GALNTL6: variants seen among roughly 807,000 people sequenced by gnomAD.
GALNTL6 encodes the protein polypeptide N-acetylgalactosaminyltransferase like 6.
A neutral mutation model predicts 73.7 loss-of-function variants in GALNTL6; 46 were observed. That is an observed-to-expected ratio of 0.62 (90% CI 0.49 to 0.80). GALNTL6 has a LOEUF of 0.80. Among genes scored for constraint, GALNTL6 ranks in the 30% least tolerant of loss-of-function variants. The pLI is 0.00. For missense variants in GALNTL6, 604 were observed against 755.0 expected (o/e 0.80, Z 2.34); for synonymous variants, 259 against 263.7 (o/e 0.98, Z 0.17).
chr4:171,858,692 G>T (rs1403920552), intron 2 of GALNTL6, among the ~76,000 whole-genome samples: 2 of 151,990 alleles, frequency 1.3e-5, no homozygotes, highest in African/African-American at 4.8e-5. Flanking sequence ...AAATACAAAT[G>T]TATCTTCTTT....
chr4:172,420,108 C>T (rs1231650872), intron 5 of GALNTL6, among the ~76,000 whole-genome samples: 1 of 152,118 alleles, frequency 6.6e-6, no homozygotes, highest in African/African-American at 2.4e-5. Flanking sequence ...AAAAGTGAGC[C>T]ATCCATTTTA....
chr4:172,409,864 G>A (rs1561070358), intron 5 of GALNTL6, among the ~76,000 whole-genome samples: 1 of 152,012 alleles, frequency 6.6e-6, no homozygotes, highest in Non-Finnish European at 1.5e-5. Context: ...TGAAAAGAAA[G>A]AAGTTCACAT....
At chr4:172,278,574 G>A (rs543065570) in intron 3 of GALNTL6, among the ~76,000 whole-genome samples, 26 of 152,004 alleles carry the variant, frequency 1.7e-4, no homozygotes, top group Middle Eastern at 6.8e-3. Flanking sequence ...TGGATCCTGT[G>A]TTATCCTTTT....
rs544335797 is a variant in GALNTL6, at chr4:172,628,656, A to G, written c.554-180705A>G. 2.0e-5 allele frequency among the ~76,000 whole-genome samples: 3 copies of G among 152,156 alleles called. No individual in the cohort carries two copies. In the East Asian group the frequency reaches 5.8e-4, roughly 30 times the overall value. ...GGCAAGCAGAGATGGTATATCTCTG[A>G]ATATGCGTATTGTCAGTGTCTCTCT... On this transcript the variant is annotated intron_variant, in intron 5 of 12. Transcript: ENST00000506823.
Position 173,040,098 on chromosome 4 carries a change from T to C in GALNTL6, c.1804T>C (p.Ter602GlnextTer8). ...AAAATTTAACCACCATGCCAACTCC[T>C]AGAAAGAAGAAAGGAAGAAAGAGTG... ...LEKFNHHANS[*>Q] Residue 602 changes from the stop codon to glutamine (Q), a stop_lost, in exon 13 of 13, where the codon TAG becomes CAG. Transcript: ENST00000506823. 6.2e-7 allele frequency: 1 copy of C among 1,607,410 alleles called. No homozygotes were observed. Among genetic ancestry groups the C allele is most frequent in the South Asian group, 1.1e-5 (1 of 90,204 alleles).
In GALNTL6 at chr4:171,813,578, G is replaced by A. The variant is rs1734438770; in HGVS notation, c.-582G>A. 2 of 152,352 alleles carry A rather than the reference G, an allele frequency of 1.3e-5. No individual in the cohort carries two copies. The highest frequency in any genetic ancestry group is 4.8e-5 in the African/African-American group (2 of 41,474). The allele number at this position is 152,352 out of a possible 1,614,324, so 9.4% of individuals were successfully genotyped here. A position where few individuals can be genotyped will look rare whatever the true frequency, so the allele number is the denominator to read the frequency against. On this transcript the variant is annotated 5_prime_UTR_variant, in exon 1 of 13. Coordinates refer to ENST00000506823, the MANE Select transcript of GALNTL6 (RefSeq NM_001034845.3). The surrounding 1 kb of genome is among the most constrained non-coding windows in gnomAD (Gnocchi z 5.2). ...CTCCATCCCCTTTACGAGAAGAGGA[G>A]ATCAAAAAATATTGCCCTTTAGGTG...
chr4:172,799,149 T>TGCAAAGAGCAGACTCACTAG (rs1553990150), intron 5 of GALNTL6, among the ~76,000 whole-genome samples: 1 of 152,154 alleles, frequency 6.6e-6, no homozygotes, highest in Non-Finnish European at 1.5e-5. Flanking sequence ...GAGATCTCAA[T>TGCAAAGAGCAGACTCACTAG]AGTCACTAGA....
At chr4:171,952,003 C>T (rs902129870) in intron 2 of GALNTL6, among the ~76,000 whole-genome samples, 5 of 151,698 alleles carry the variant, frequency 3.3e-5, no homozygotes, top group African/African-American at 4.8e-5. Context: ...AGTATAAAGT[C>T]AGCAATTAAT....
chr4:171,912,669 A>T (rs1658746328), intron 2 of GALNTL6, among the ~76,000 whole-genome samples: 1 of 151,976 alleles, frequency 6.6e-6, no homozygotes, highest in South Asian at 2.1e-4. Context: ...TGGTTCTTTT[A>T]CCTGGTCCCC....
chr4:172,951,984 AC>A, intron 9 of GALNTL6, 52 bp from the exon 10 acceptor site: 4 of 1,435,840 alleles, frequency 2.8e-6, no homozygotes, highest in Non-Finnish European at 3.8e-6. Flanking sequence ...AACAAAAAAC[AC>A]CTTTTGAATG....
At chr4:172,275,039 C>T (rs1432291937) in intron 3 of GALNTL6, among the ~76,000 whole-genome samples, 4 of 152,044 alleles carry the variant, frequency 2.6e-5, no homozygotes, top group East Asian at 1.9e-4. Context: ...GGAAGGTGTG[C>T]GAAAGGTCTG....
intron 5 of GALNTL6, among the ~76,000 whole-genome samples, chr4:172,557,073 A>T (rs1736173889): frequency 6.6e-6 from 1 of 152,146 alleles, no homozygotes; most frequent in Non-Finnish European, 1.5e-5. Flanking sequence ...TTGAAAAAGT[A>T]TTTGAAAGTC....
chr4:171,839,025 C>CA (rs1423497464), intron 2 of GALNTL6, among the ~76,000 whole-genome samples: 2 of 151,912 alleles, frequency 1.3e-5, no homozygotes, highest in East Asian at 3.9e-4. Flanking sequence ...CATGATGTAC[C>CA]ATGGAAATGA....
intron 5 of GALNTL6, among the ~76,000 whole-genome samples, chr4:172,384,898 A>G (rs1743407047): frequency 6.6e-6 from 1 of 151,942 alleles, no homozygotes; most frequent in South Asian, 2.1e-4. Flanking sequence ...GACATGGGCC[A>G]CTGTGACTGG....
chr4:172,030,530 G>A (rs1422098548), intron 2 of GALNTL6, among the ~76,000 whole-genome samples: 1 of 151,748 alleles, frequency 6.6e-6, no homozygotes, highest in Non-Finnish European at 1.5e-5. Context: ...GACCAACATG[G>A]CAAAACCCGT....
At chr4:173,001,636 C>G (rs570274965) in intron 10 of GALNTL6, among the ~76,000 whole-genome samples, 1 of 152,276 alleles carries the variant, frequency 6.6e-6, no homozygotes, top group Non-Finnish European at 1.5e-5. Context: ...GGATTAAGAT[C>G]TAGAATATAT....
At chr4:172,530,166 ACTGT>A (rs1217282234) in intron 5 of GALNTL6, among the ~76,000 whole-genome samples, 4 of 152,056 alleles carry the variant, frequency 2.6e-5, no homozygotes, top group African/African-American at 9.7e-5. Context: ...AACCTTTATG[ACTGT>A]CTACTTCCCT....
At chr4:172,071,023 G>A (rs1731520113) in intron 2 of GALNTL6, among the ~76,000 whole-genome samples, 1 of 110,088 alleles carries the variant, frequency 9.1e-6, no homozygotes, top group African/African-American at 3.4e-5. Context: ...TTTTACACAT[G>A]TAATACATTT....
chr4:172,078,144 C>G (rs1731762509), intron 2 of GALNTL6, among the ~76,000 whole-genome samples: 1 of 152,148 alleles, frequency 6.6e-6, no homozygotes, highest in Admixed American at 6.5e-5. Flanking sequence ...TAGTCTGCTT[C>G]AAGAGTGGAG....
Sources: allele counts gnomAD v4.1 joint callset (sites outside exome capture counted in the v4.1 genomes callset), GRCh38; gene constraint gnomAD v4.1.1; non-coding constraint Gnocchi (gnomAD v3.1); transcripts MANE v1.5; gene names NCBI Gene and HGNC (gene_info 2026-07-23, HGNC 2026-07-21).